PRKN: variants seen among roughly 807,000 people sequenced by gnomAD.
PRKN encodes parkin RBR E3 ubiquitin protein ligase.
Under a neutral mutation model 59.5 loss-of-function variants are expected in PRKN, and 56 were observed. The observed-to-expected ratio is 0.94, with a 90% CI of 0.76 to 1.18. PRKN has a LOEUF of 1.18. Ranked by LOEUF, PRKN falls within the 50% of genes most tolerant of loss-of-function variation. The pLI is 0.00. For missense variants in PRKN, 657 were observed against 596.4 expected (o/e 1.10, Z -1.06); for synonymous variants, 250 against 222.1 (o/e 1.13, Z -1.12).
chr6:161,517,739 CAAAAAAAAAAA>C (rs3032892), intron 9 of PRKN, among the ~76,000 whole-genome samples: 12 of 48,382 alleles, frequency 2.5e-4, no homozygotes, highest in Admixed American at 3.9e-4. Context: ...GACTCTATCT[CAAAAAAAAAAA>C]AAAAAAAAAA....
chr6:161,505,732 C>T, intron 9 of PRKN, among the ~76,000 whole-genome samples: 1 of 71,096 alleles, frequency 1.4e-5, no homozygotes, highest in Non-Finnish European at 3.0e-5. Context: ...CCAGTTTCAG[C>T]TTTCTACATA....
intron 1 of PRKN, among the ~76,000 whole-genome samples, chr6:162,604,225 T>G (rs576266158): frequency 6.6e-6 from 1 of 152,308 alleles, no homozygotes; most frequent in Non-Finnish European, 1.5e-5. Flanking sequence ...CAAATCTATC[T>G]TAATTTCCAC....
intron 1 of PRKN, among the ~76,000 whole-genome samples, chr6:162,719,785 G>T (rs575772922): frequency 2.0e-5 from 3 of 152,100 alleles, no homozygotes; most frequent in African/African-American, 7.2e-5. Context: ...GACAACAGCT[G>T]CTCCTTTGAG....
intron 7 of PRKN, among the ~76,000 whole-genome samples, chr6:161,603,466 G>A (rs1306241020): frequency 6.6e-6 from 1 of 152,142 alleles, no homozygotes; most frequent in Admixed American, 6.5e-5. Context: ...ATGACCTGTG[G>A]TGGAGCTCTG....
chr6:161,776,294 C>T (rs57706700), intron 7 of PRKN, among the ~76,000 whole-genome samples: 6,558 of 152,250 alleles, frequency 0.043, 465 homozygotes, highest in African/African-American at 0.14. Context: ...GCATAGACTA[C>T]TAGTAATAGC....
intron 5 of PRKN, among the ~76,000 whole-genome samples, chr6:161,975,580 G>T (rs1780996589): frequency 5.3e-5 from 8 of 152,126 alleles, no homozygotes; most frequent in African/African-American, 1.9e-4. Context: ...ACAGCCCTTG[G>T]TCTGAAGCTG....
intron 1 of PRKN, among the ~76,000 whole-genome samples, chr6:162,554,456 C>T (rs1476267183): frequency 1.3e-5 from 2 of 152,082 alleles, no homozygotes; most frequent in Non-Finnish European, 2.9e-5. Flanking sequence ...GAGCCGAGAT[C>T]GCCCCATTGC....
intron 1 of PRKN, among the ~76,000 whole-genome samples, chr6:162,628,602 T>C (rs998026622): frequency 4.6e-5 from 7 of 151,984 alleles, no homozygotes; most frequent in African/African-American, 1.4e-4. Flanking sequence ...AGGAATCAAG[T>C]AGTGAAAATG....
intron 6 of PRKN, among the ~76,000 whole-genome samples, chr6:161,873,050 G>C (rs1794409493): frequency 1.3e-5 from 2 of 151,278 alleles, no homozygotes; most frequent in Admixed American, 1.3e-4. Context: ...GGAGGGAGCT[G>C]GGAGCTTGGA....
At chr6:162,050,720 C>T (rs1053202543) in intron 5 of PRKN, among the ~76,000 whole-genome samples, 14 of 152,088 alleles carry the variant, frequency 9.2e-5, no homozygotes, top group Non-Finnish European at 1.6e-4. Context: ...GCTGTCTCTC[C>T]TGGAGAAGGG....
At chr6:162,168,366 T>TGG (rs1783085909) in intron 4 of PRKN, among the ~76,000 whole-genome samples, 1 of 152,012 alleles carries the variant, frequency 6.6e-6, no homozygotes, top group African/African-American at 2.4e-5. Flanking sequence ...CCAAATTTTT[T>TGG]TTTTCAGTCT....
intron 6 of PRKN, among the ~76,000 whole-genome samples, chr6:161,850,875 A>G (rs920949655): frequency 1.3e-5 from 2 of 152,182 alleles, no homozygotes; most frequent in Non-Finnish European, 2.9e-5. Flanking sequence ...CAGTGCTTCC[A>G]ATGCTATAAC....
chr6:162,112,603 G>A (rs367670799), intron 4 of PRKN, among the ~76,000 whole-genome samples: 3 of 152,018 alleles, frequency 2.0e-5, no homozygotes, highest in East Asian at 3.9e-4. Context: ...ACAGTAATTA[G>A]GTCTTCCATC....
intron 2 of PRKN, among the ~76,000 whole-genome samples, chr6:162,373,216 T>C (rs924089603): frequency 1.3e-5 from 2 of 152,194 alleles, no homozygotes; most frequent in African/African-American, 2.4e-5. Flanking sequence ...GGAGCTTTCA[T>C]GTAAAACAGA....
At chr6:162,548,699 G>C (rs1779216124) in intron 1 of PRKN, among the ~76,000 whole-genome samples, 1 of 152,124 alleles carries the variant, frequency 6.6e-6, no homozygotes, top group Admixed American at 6.6e-5. Flanking sequence ...ATTTGAGCTT[G>C]AGCTGCAATG....
intron 4 of PRKN, among the ~76,000 whole-genome samples, chr6:162,071,377 T>C (rs1373590703): frequency 2.0e-5 from 3 of 151,846 alleles, no homozygotes; most frequent in African/African-American, 7.3e-5. Context: ...ACCTTAGTAA[T>C]ATATGCTTTA....
chr6:162,040,292 C>T (rs531691650), intron 5 of PRKN, among the ~76,000 whole-genome samples: 2 of 152,160 alleles, frequency 1.3e-5, no homozygotes, highest in African/African-American at 4.8e-5. Context: ...TTAGATGCTA[C>T]TTTGCCTTTT....
intron 7 of PRKN, among the ~76,000 whole-genome samples, chr6:161,762,347 C>G (rs1006233426): frequency 8.6e-5 from 13 of 152,016 alleles, no homozygotes; most frequent in Admixed American, 3.3e-4. Context: ...TAATAGTGAC[C>G]AAGTTAGAAC....
chr6:161,755,932 G>A (rs1162669789), intron 7 of PRKN, among the ~76,000 whole-genome samples: 2 of 151,928 alleles, frequency 1.3e-5, no homozygotes, highest in Non-Finnish European at 2.9e-5. Context: ...AATAGGTGTT[G>A]GAAAAAACGC....
Sources: allele counts gnomAD v4.1 joint callset (sites outside exome capture counted in the v4.1 genomes callset), GRCh38; gene constraint gnomAD v4.1.1; transcripts MANE v1.5; gene names NCBI Gene and HGNC (gene_info 2026-07-23, HGNC 2026-07-21).